FRMD4A: variants seen among roughly 807,000 people sequenced by gnomAD.
FRMD4A encodes the protein FERM domain containing 4A, also known as FERM domain-containing protein 4A.
In FRMD4A, 29 loss-of-function variants were observed where a neutral mutation model predicts 129.1. That is an observed-to-expected ratio of 0.22 (90% CI 0.17 to 0.31). The LOEUF is 0.31. Among genes scored for constraint, FRMD4A ranks in the 10% least tolerant of loss-of-function variants. FRMD4A has a pLI of 1.00. For missense variants in FRMD4A, 1,272 were observed against 1,375.8 expected (o/e 0.92, Z 1.19); for synonymous variants, 634 against 571.6 (o/e 1.11, Z -1.56).
At chr10:13,699,495 T>C (rs940864538) in intron 14 of FRMD4A, among the ~76,000 whole-genome samples, 2 of 152,164 alleles carry the variant, frequency 1.3e-5, no homozygotes, top group African/African-American at 4.8e-5. Flanking sequence ...AGGAAAGCCA[T>C]AAGAACAAGT....
chr10:13,740,392 T>C, intron 10 of FRMD4A, 120 bp downstream of exon 10: 5 of 878,738 alleles, frequency 5.7e-6, no homozygotes, highest in Middle Eastern at 2.2e-4. Context: ...GAAAATTAAA[T>C]GGAAACATAC....
chr10:13,958,281 G>GT (rs35369777), intron 2 of FRMD4A, among the ~76,000 whole-genome samples: 51,454 of 104,304 alleles, frequency 0.49, 14,343 homozygotes, highest in South Asian at 0.61. Context: ...CATGACCATT[G>GT]TTTTTTTTTT....
rs559901957 is a variant in FRMD4A, at chr10:14,237,488, G to A, written c.45+92570C>T. On this transcript the variant is annotated intron_variant, in intron 2 of 24. Transcript: ENST00000357447. ...TGGGATTACAGGCCCACACCACAAT[G>A]TCCAGCTAATTTTTGTATTTTTAGT... 4.6e-5 allele frequency among the ~76,000 whole-genome samples: 7 copies of A among 152,112 alleles called. No homozygotes were observed. In the East Asian group the frequency reaches 1.4e-3, roughly 29 times the overall value.
intron 2 of FRMD4A, among the ~76,000 whole-genome samples, chr10:13,914,752 T>C (rs1203244628): frequency 6.6e-6 from 1 of 151,536 alleles, no homozygotes; most frequent in African/African-American, 2.4e-5. Context: ...GCAACCTGAA[T>C]AGGAGGCTGA....
At chr10:14,059,365 G>A (rs1318470059) in intron 2 of FRMD4A, among the ~76,000 whole-genome samples, 1 of 152,184 alleles carries the variant, frequency 6.6e-6, no homozygotes, top group African/African-American at 2.4e-5. Context: ...TGGAGAGGGT[G>A]CCTCTAAGGA....
chr10:13,833,661 G>A (rs182674492), intron 3 of FRMD4A, among the ~76,000 whole-genome samples: 2 of 152,144 alleles, frequency 1.3e-5, no homozygotes, highest in Admixed American at 6.6e-5. Context: ...GGAGCGTTGT[G>A]AGGATCAAAA....
chr10:13,854,299 G>A (rs1172533669), intron 3 of FRMD4A, among the ~76,000 whole-genome samples: 1 of 152,178 alleles, frequency 6.6e-6, no homozygotes, highest in Non-Finnish European at 1.5e-5. Context: ...ATATGACAAC[G>A]AGACTTAGGG....
chr10:13,891,855 T>C (rs2094701985), intron 2 of FRMD4A: 2 of 525,706 alleles, frequency 3.8e-6, no homozygotes, highest in Non-Finnish European at 2.4e-6. Flanking sequence ...CCGGCGCCAG[T>C]GAGCCCCGCC....
rs551452176 is a variant in FRMD4A at position 14,142,237 on chromosome 10, G to C, written c.45+187821C>G. On this transcript the variant is annotated intron_variant, in intron 2 of 24. Coordinates refer to ENST00000357447, the MANE Select transcript of FRMD4A (RefSeq NM_018027.5). Reference sequence around the variant, plus strand: ...GCTTCTTCTCTGTCATGCAATCGTGGTTATTCAATACATGTGCATCATTTC... The same window carrying C: ...GCTTCTTCTCTGTCATGCAATCGTGCTTATTCAATACATGTGCATCATTTC... 3.3e-5 allele frequency among the ~76,000 whole-genome samples: 5 copies of C among 152,220 alleles called. No individual in the cohort carries two copies. The East Asian group carries it at 9.6e-4, about 29-fold the overall frequency.
chr10:14,306,748 T>C (rs560810901), intron 2 of FRMD4A, among the ~76,000 whole-genome samples: 1 of 152,348 alleles, frequency 6.6e-6, no homozygotes, highest in Admixed American at 6.5e-5. Flanking sequence ...TTTCTCTGTT[T>C]AAGGGGTAAT....
At chr10:14,235,897 T>A (rs2131995381) in intron 2 of FRMD4A, among the ~76,000 whole-genome samples, 1 of 152,358 alleles carries the variant, frequency 6.6e-6, no homozygotes, top group South Asian at 2.1e-4. Context: ...TCACCCATGA[T>A]TCTTCCAAGA....
At chr10:13,827,756 G>T (rs2093724331) in intron 3 of FRMD4A, among the ~76,000 whole-genome samples, 1 of 152,176 alleles carries the variant, frequency 6.6e-6, no homozygotes, top group Non-Finnish European at 1.5e-5. Context: ...GCAAGGAATG[G>T]GCTAGATCTC....
rs58216405 is a variant in FRMD4A at position 13,651,876 on chromosome 10, G to A, written c.*2+27C>T. 6,535 of 1,165,728 alleles carry A rather than the reference G, an allele frequency of 5.6e-3. 135 individuals are homozygous for A. Among genetic ancestry groups the A allele is most frequent in the East Asian group, 0.045 (1,935 of 42,552 alleles). The allele number at this position is 1,165,728 out of a possible 1,614,324, so 72.2% of individuals were successfully genotyped here. A position where few individuals can be genotyped will look rare whatever the true frequency, so the allele number is the denominator to read the frequency against. ...ATGTGGGACCACAGACTCATGGGCAGTAGGAACAAAACTCCCCTTACGGTA... is the reference window on the plus strand; with the variant it reads ...ATGTGGGACCACAGACTCATGGGCAATAGGAACAAAACTCCCCTTACGGTA... On this transcript the variant is annotated intron_variant, in intron 24 of 24. Transcript: ENST00000357447.
chr10:13,691,786 A>C (rs994684929), intron 15 of FRMD4A, among the ~76,000 whole-genome samples: 1 of 152,160 alleles, frequency 6.6e-6, no homozygotes. Context: ...CTCATCTGAC[A>C]CTGGGTTTTC....
At chr10:14,284,203 G>C (rs1054573553) in intron 2 of FRMD4A, among the ~76,000 whole-genome samples, 4 of 152,122 alleles carry the variant, frequency 2.6e-5, no homozygotes, top group Non-Finnish European at 4.4e-5. Flanking sequence ...TGCTAATACT[G>C]TTCACCCTCC....
At chr10:13,978,288 C>T (rs1227228809) in intron 2 of FRMD4A, among the ~76,000 whole-genome samples, 2 of 152,254 alleles carry the variant, frequency 1.3e-5, no homozygotes, top group East Asian at 1.9e-4. Context: ...GGCTGGTGTG[C>T]TGTCCCCCAT....
intron 2 of FRMD4A, among the ~76,000 whole-genome samples, chr10:14,064,263 C>G (rs1285652979): frequency 6.6e-6 from 1 of 152,234 alleles, no homozygotes; most frequent in African/African-American, 2.4e-5. Context: ...TTTTCCGTAA[C>G]TACAGCCTTG....
At chr10:14,327,106 C>A in intron 2 of FRMD4A, 1 of 397,072 alleles carries the variant, frequency 2.5e-6, no homozygotes, top group African/African-American at 2.1e-5. Context: ...GACCGCAACC[C>A]AGCCCTAGCT....
intron 24 of FRMD4A, among the ~76,000 whole-genome samples, chr10:13,650,375 T>C (rs1365855647): frequency 1.3e-5 from 2 of 152,152 alleles, no homozygotes; most frequent in Non-Finnish European, 2.9e-5. Flanking sequence ...CTCAGTATAA[T>C]GTATGTGTGT....
Sources: allele counts gnomAD v4.1 joint callset (sites outside exome capture counted in the v4.1 genomes callset), GRCh38; gene constraint gnomAD v4.1.1; transcripts MANE v1.5; gene names NCBI Gene and HGNC (gene_info 2026-07-23, HGNC 2026-07-21).